The following UNC13C variants were observed in gnomAD, a reference collection of about 807,000 sequenced individuals.
UNC13C encodes the protein protein unc-13 homolog C.
A neutral mutation model predicts 245.4 loss-of-function variants in UNC13C; 174 were observed. The ratio of observed to expected loss-of-function variants is 0.71; its 90% CI spans 0.63 to 0.80. UNC13C has a LOEUF of 0.80. UNC13C is among the 30% of genes least tolerant of loss of function. The probability of loss-of-function intolerance (pLI) is 0.00; values close to 1 mark genes in which losing one functional copy is unlikely to be tolerated. For missense variants in UNC13C, 2,829 were observed against 2,602.9 expected (o/e 1.09, Z -1.89); for synonymous variants, 992 against 895.1 (o/e 1.11, Z -1.93).
chr15:54,518,504 C>A (rs945589358), intron 24 of UNC13C, among the ~76,000 whole-genome samples: 3 of 152,292 alleles, frequency 2.0e-5, no homozygotes, highest in East Asian at 3.9e-4. Context: ...TAACTGCCAT[C>A]TTCTATAATA....
intron 4 of UNC13C, among the ~76,000 whole-genome samples, chr15:54,153,200 T>C (rs2032600819): frequency 6.6e-6 from 1 of 152,128 alleles, no homozygotes; most frequent in Non-Finnish European, 1.5e-5. Flanking sequence ...TATCTAAGAC[T>C]AGCAGATTAA....
chr15:54,496,553 C>T (rs1596476487), intron 20 of UNC13C, among the ~76,000 whole-genome samples: 1 of 151,918 alleles, frequency 6.6e-6, no homozygotes, highest in East Asian at 1.9e-4. Context: ...GCCCAAATGC[C>T]CATCAATCAA....
At chr15:54,116,133 A>G (rs1359708652) in intron 2 of UNC13C, among the ~76,000 whole-genome samples, 1 of 151,856 alleles carries the variant, frequency 6.6e-6, no homozygotes, top group Admixed American at 6.6e-5. Context: ...CCAGAATTTT[A>G]TTGGTTTAAT....
intron 2 of UNC13C, among the ~76,000 whole-genome samples, chr15:54,071,808 A>G: frequency 6.6e-6 from 1 of 152,188 alleles, no homozygotes; most frequent in South Asian, 2.1e-4. Flanking sequence ...AGTAGTTGCA[A>G]CAGAGACTAC....
intron 2 of UNC13C, among the ~76,000 whole-genome samples, chr15:54,058,382 G>A (rs924388431): frequency 5.9e-5 from 9 of 152,114 alleles, no homozygotes; most frequent in Non-Finnish European, 1.0e-4. Context: ...TAAGTTCCTC[G>A]ACACATACAC....
intron 12 of UNC13C, among the ~76,000 whole-genome samples, chr15:54,299,572 C>T (rs1180912110): frequency 6.6e-6 from 1 of 152,118 alleles, no homozygotes; most frequent in Non-Finnish European, 1.5e-5. Flanking sequence ...TTGGTATGTA[C>T]AAAATATTTG....
At chr15:54,550,173 T>G (rs948516251) in intron 28 of UNC13C, among the ~76,000 whole-genome samples, 1 of 152,176 alleles carries the variant, frequency 6.6e-6, no homozygotes. Context: ...GGAACTTGAC[T>G]GGCTAAAATA....
chr15:54,420,650 A>T (rs1356650798), intron 19 of UNC13C, among the ~76,000 whole-genome samples: 5 of 152,034 alleles, frequency 3.3e-5, no homozygotes, highest in Admixed American at 2.6e-4. Context: ...GTTTGTGATG[A>T]TTTTAAACAA....
intron 1 of UNC13C, among the ~76,000 whole-genome samples, chr15:53,983,534 T>C (rs1290704579): frequency 6.6e-6 from 1 of 152,094 alleles, no homozygotes. Context: ...ATTAGAAGAT[T>C]TTGCTTAATT....
intron 1 of UNC13C, among the ~76,000 whole-genome samples, chr15:53,995,214 T>A (rs1894566161): frequency 2.6e-5 from 4 of 152,032 alleles, no homozygotes; most frequent in Admixed American, 2.6e-4. Flanking sequence ...TGCAGACATA[T>A]TGATTTGGTA....
At chr15:53,928,028 G>A in the UNC13C span, among the ~76,000 whole-genome samples, 1 of 152,146 alleles carries the variant, frequency 6.6e-6, no homozygotes, top group Admixed American at 6.5e-5. Context: ...GATAAAGGAC[G>A]TCTACATGTT....
chr15:53,859,489 C>T, the UNC13C span, among the ~76,000 whole-genome samples: 1 of 152,082 alleles, frequency 6.6e-6, no homozygotes, highest in African/African-American at 2.4e-5. Context: ...AAATTCTTTG[C>T]ATTGTTTTTG....
chr15:54,019,052 A>G (rs1189917194), intron 2 of UNC13C, among the ~76,000 whole-genome samples: 1 of 152,186 alleles, frequency 6.6e-6, no homozygotes, highest in Admixed American at 6.5e-5. Flanking sequence ...GAATTACTAT[A>G]TATTAGGCCC....
chr15:54,611,004 G>A (rs1345466577), intron 30 of UNC13C, among the ~76,000 whole-genome samples: 5 of 152,020 alleles, frequency 3.3e-5, no homozygotes, highest in South Asian at 2.1e-4. Flanking sequence ...GCATAACTTC[G>A]TGATGTAATA....
At chr15:53,977,837 A>C (rs1893760724), upstream of UNC13C, among the ~76,000 whole-genome samples, 1 of 152,206 alleles carries the variant, frequency 6.6e-6, no homozygotes, top group African/African-American at 2.4e-5. Context: ...CATTATTCCT[A>C]AGTGAGAAGA....
chr15:54,055,653 G>C (rs1261040869), intron 2 of UNC13C, among the ~76,000 whole-genome samples: 1 of 152,118 alleles, frequency 6.6e-6, no homozygotes, highest in Non-Finnish European at 1.5e-5. Context: ...TTGTTTCATA[G>C]AACTAATTAT....
At chr15:53,937,478 A>G in the UNC13C span, among the ~76,000 whole-genome samples, 1 of 152,206 alleles carries the variant, frequency 6.6e-6, no homozygotes, top group Non-Finnish European at 1.5e-5. Flanking sequence ...TTCATACAGT[A>G]GAACTTCCCA....
chr15:54,217,781 T>TA (rs1294117666), intron 4 of UNC13C, among the ~76,000 whole-genome samples: 1 of 126,644 alleles, frequency 7.9e-6, no homozygotes, highest in Non-Finnish European at 1.8e-5. Flanking sequence ...TTCAGGCTCT[T>TA]ATCTTCTTCC....
At chr15:54,543,690 T>C (rs1896351552) in intron 26 of UNC13C, among the ~76,000 whole-genome samples, 1 of 151,970 alleles carries the variant, frequency 6.6e-6, no homozygotes, top group Non-Finnish European at 1.5e-5. Flanking sequence ...AACTAGAAAA[T>C]CTAGAACAAA....
Sources: gnomAD v4.1 joint callset for allele counts (sites outside exome capture counted in the v4.1 genomes callset) on GRCh38, gnomAD v4.1.1 for gene constraint, MANE v1.5 for transcripts, NCBI Gene and HGNC (gene_info 2026-07-23, HGNC 2026-07-21) for gene names.